CHN2: variants seen among roughly 807,000 people sequenced by gnomAD.
CHN2 encodes the protein beta-chimaerin.
In CHN2, 35 loss-of-function variants were observed where a neutral mutation model predicts 56.3. That is an observed-to-expected ratio of 0.62 (90% CI 0.47 to 0.82). The LOEUF is 0.82. Among genes scored for constraint, CHN2 ranks in the 40% least tolerant of loss-of-function variants. The pLI, the probability that CHN2 is intolerant of heterozygous loss-of-function variation, is 0.00. For synonymous variants in CHN2, 210 were observed against 212.8 expected, an observed-to-expected ratio of 0.99 and a Z score of 0.12; for missense variants, 491 against 580.5, an observed-to-expected ratio of 0.85 and a Z score of 1.58.
At chr7:29,435,618 A>G (rs551758804) in intron 6 of CHN2, among the ~76,000 whole-genome samples, 3 of 152,320 alleles carry the variant, frequency 2.0e-5, no homozygotes, top group African/African-American at 7.2e-5. Context: ...GACACAGACA[A>G]GGTACAGTTA....
At chr7:29,299,428 G>A (rs191077640) in intron 1 of CHN2, among the ~76,000 whole-genome samples, 1 of 152,292 alleles carries the variant, frequency 6.6e-6, no homozygotes, top group East Asian at 1.9e-4. Flanking sequence ...TTTGCAGTCA[G>A]GTTGAGTTTC....
chr7:29,482,908 G>A (rs1187708129), intron 7 of CHN2, among the ~76,000 whole-genome samples: 5 of 130,362 alleles, frequency 3.8e-5, no homozygotes, highest in African/African-American at 5.8e-5. Flanking sequence ...TGCAAGCTCC[G>A]CCTCCCGGGT....
chr7:29,360,114 A>C (rs763619680), intron 2 of CHN2, among the ~76,000 whole-genome samples: 5 of 152,256 alleles, frequency 3.3e-5, no homozygotes, highest in Admixed American at 6.5e-5. Context: ...CAAACCCCAC[A>C]GGTTTCTCTT....
At chr7:29,473,471 T>TTTTTTG (rs1554298949) in intron 6 of CHN2, among the ~76,000 whole-genome samples, 2 of 54,694 alleles carry the variant, frequency 3.7e-5, no homozygotes, top group Non-Finnish European at 7.7e-5. Flanking sequence ...TGTGTTTGTG[T>TTTTTTG]TTTTTTTTTT....
intron 1 of CHN2, among the ~76,000 whole-genome samples, chr7:29,274,035 C>G (rs558742927): frequency 6.6e-6 from 1 of 152,182 alleles, no homozygotes; most frequent in Non-Finnish European, 1.5e-5. Flanking sequence ...AATATGTGGC[C>G]ATCTTGTATG....
In CHN2 at chr7:29,514,014, C is replaced by T. The variant is rs1182396065; in HGVS notation, c.*1279C>T. ...CTTTGATTGAGATGATTTGTGTAAA[C>T]TCACCAGTCTTGCTTTGGAGTGAGC... On this transcript the variant is annotated 3_prime_UTR_variant, in exon 13 of 13. Coordinates refer to ENST00000222792, the MANE Select transcript of CHN2 (RefSeq NM_004067.4). The T allele has an allele frequency of 6.6e-6, 1 of 152,618 alleles. No homozygotes were observed. The highest frequency in any genetic ancestry group is 1.5e-5 in the Non-Finnish European group (1 of 68,040). 9.5% of individuals were successfully genotyped at this position (152,618 alleles called of 1,614,324 possible).
At chr7:29,431,939 C>T (rs762369101) in intron 6 of CHN2, among the ~76,000 whole-genome samples, 2 of 152,344 alleles carry the variant, frequency 1.3e-5, no homozygotes, top group East Asian at 1.9e-4. Context: ...AGACAGGGCC[C>T]TCTCATCTCA....
At chr7:29,423,151 C>T (rs1273489233) in intron 6 of CHN2, among the ~76,000 whole-genome samples, 2 of 152,180 alleles carry the variant, frequency 1.3e-5, no homozygotes, top group South Asian at 2.1e-4. Context: ...AGAATGTTAG[C>T]ACCCAGGGTG....
rs151224147 is a variant in CHN2, at chr7:29,430,577, C to G, written c.576+29749C>G. On this transcript the variant is annotated intron_variant, in intron 6 of 12. Transcript: ENST00000222792. ...TTTTGAGTCTGCTCTAAACAACTGG[C>G]CACATTTGGTTGGCTAAAGCTCAGC... 2.6e-5 allele frequency among the ~76,000 whole-genome samples: 4 copies of G among 152,172 alleles called. No homozygotes were observed. In the East Asian group the frequency reaches 7.7e-4, roughly 29 times the overall value.
rs1791657562 is a variant in CHN2 at position 29,512,877 on chromosome 7, A to G, written c.*142A>G. The G allele has an allele frequency of 1.1e-6, 1 of 872,582 alleles. No individual in the cohort carries two copies. Among genetic ancestry groups the G allele is most frequent in the South Asian group, 1.9e-5 (1 of 54,052 alleles). The allele number at this position is 872,582 out of a possible 1,614,324, so 54.1% of individuals were successfully genotyped here. ...ACTGCAGAGGATCGCTGAGTGGGGT[A>G]CTGTGTCTCATAGACATGCGCCACC... On this transcript the variant is annotated 3_prime_UTR_variant, in exon 13 of 13. Transcript: ENST00000222792.
At chr7:29,204,068 TGTGTGTGTGTGTGTGTG>T (rs1562828358) in intron 1 of CHN2, among the ~76,000 whole-genome samples, 18 of 13,014 alleles carry the variant, frequency 1.4e-3, no homozygotes, top group African/African-American at 6.5e-3. Flanking sequence ...TCTCTCTCTC[TGTGTGTGTGTGTGTGTG>T]TGTGTGTGTG....
At chr7:29,169,563 CGGTGT>C (rs1204023461) in intron 2 of CHN2, among the ~76,000 whole-genome samples, 1 of 152,080 alleles carries the variant, frequency 6.6e-6, no homozygotes, top group Non-Finnish European at 1.5e-5. Flanking sequence ...AAGTAGCTGA[CGGTGT>C]ACTGAAGAGT....
intron 1 of CHN2, among the ~76,000 whole-genome samples, chr7:29,252,468 G>A (rs892755732): frequency 1.7e-4 from 25 of 150,854 alleles, no homozygotes; most frequent in African/African-American, 5.1e-4. Context: ...GATTACAGGC[G>A]CAAGCCACTG....
At chr7:29,376,061 A>T (rs1345416649) in intron 3 of CHN2, among the ~76,000 whole-genome samples, 1 of 152,244 alleles carries the variant, frequency 6.6e-6, no homozygotes, top group Non-Finnish European at 1.5e-5. Context: ...GGCCTGTCCA[A>T]CCAAGCACTG....
intron 1 of CHN2, among the ~76,000 whole-genome samples, chr7:29,211,860 T>G (rs1434846412): frequency 1.3e-5 from 2 of 152,222 alleles, no homozygotes; most frequent in Non-Finnish European, 2.9e-5. Context: ...TTCCCTACAG[T>G]GGGCTTTTAT....
At chr7:29,429,570 TACAC>T (rs754855941) in intron 6 of CHN2, among the ~76,000 whole-genome samples, 66 of 128,048 alleles carry the variant, frequency 5.2e-4, no homozygotes, top group African/African-American at 2.3e-3. Flanking sequence ...AAGCATGAGT[TACAC>T]ACACACAGAC....
At chr7:29,234,687 T>C (rs1787043503) in intron 1 of CHN2, among the ~76,000 whole-genome samples, 2 of 152,224 alleles carry the variant, frequency 1.3e-5, no homozygotes, top group South Asian at 4.1e-4. Context: ...TAAAATTTTC[T>C]TTTCCATTTC....
intron 1 of CHN2, among the ~76,000 whole-genome samples, chr7:29,240,312 C>T (rs1787553350): frequency 6.6e-6 from 1 of 152,212 alleles, no homozygotes; most frequent in African/African-American, 2.4e-5. Context: ...CCCCTTCACC[C>T]CTTCCCTCCA....
At chr7:29,366,414 G>T (rs73684875) in intron 2 of CHN2, among the ~76,000 whole-genome samples, 1,710 of 152,298 alleles carry the variant, frequency 0.011, 33 homozygotes, top group African/African-American at 0.04. Flanking sequence ...GGATCAAAGG[G>T]TGAAGACCAG....
Sources: allele counts gnomAD v4.1 joint callset (sites outside exome capture counted in the v4.1 genomes callset), GRCh38; gene constraint gnomAD v4.1.1; transcripts MANE v1.5; gene names NCBI Gene and HGNC (gene_info 2026-07-23, HGNC 2026-07-21).